The following WDR55 variants were observed in gnomAD, a reference collection of about 807,000 sequenced individuals.
The protein encoded by WDR55 is WD repeat domain 55, also known as WD repeat-containing protein 55.
A neutral mutation model predicts 34.0 loss-of-function variants in WDR55; 31 were observed. That is an observed-to-expected ratio of 0.91 (90% confidence interval 0.69 to 1.23). The LOEUF is 1.23. WDR55 is among the 50% of genes most tolerant of loss of function. WDR55 has a pLI of 0.00. For missense variants in WDR55, 440 were observed against 494.6 expected (o/e 0.89, Z 1.05); for synonymous variants, 164 against 185.9 (o/e 0.88, Z 0.96).
chr5:140,669,124 CTCT>C lies in WDR55; in HGVS notation c.709_711del (p.Phe237del), dbSNP rs1438870230. 4 of 1,613,994 alleles carry C rather than the reference CTCT, an allele frequency of 2.5e-6. No individual in the cohort carries two copies. The highest frequency in any genetic ancestry group is 3.4e-6 in the Non-Finnish European group (4 of 1,180,028). Reference sequence around the variant, plus strand: ...TGGCTCCAGTGAAGGTACCATCTACCTCTTCAATTGGAATGGCTTTGGGGCCAC... The same window carrying C: ...TGGCTCCAGTGAAGGTACCATCTACCTCAATTGGAATGGCTTTGGGGCCAC... On this transcript the variant is annotated inframe_deletion, in exon 6 of 7. Coordinates refer to ENST00000358337, the MANE Select transcript of WDR55 (RefSeq NM_017706.5).
rs993340006 is a variant in WDR55, at chr5:140,669,782, C to T, written c.*128C>T. On this transcript the variant is annotated 3_prime_UTR_variant, in exon 7 of 7. Transcript: ENST00000358337. ...TTTTGCCATCGTCCAGGCTGGAGTG[C>T]GCTGGCTTGATCTTGGCTCACTGCA... The T allele has an allele frequency of 3.3e-5, 32 of 977,426 alleles. No individual in the cohort carries two copies. The highest frequency in any genetic ancestry group is 3.0e-4 in the African/African-American group (18 of 60,686). The allele number at this position is 977,426 out of a possible 1,614,324, so 60.5% of individuals were successfully genotyped here.
chr5:140,668,069 A>C (rs956127736), intron 1 of WDR55, 165 bp from the exon 2 acceptor site: 3 of 706,748 alleles, frequency 4.2e-6, no homozygotes, highest in Non-Finnish European at 6.7e-6. Flanking sequence ...TAACATTTCA[A>C]ACTCACTGAA....
rs1355872090 is a variant in WDR55, at chr5:140,669,811, T to C, written c.*157T>C. The C allele has an allele frequency of 4.2e-6, 3 of 717,056 alleles. No homozygotes were observed. Among genetic ancestry groups the C allele is most frequent in the Non-Finnish European group, 6.9e-6 (3 of 436,258 alleles). The allele number at this position is 717,056 out of a possible 1,614,324, so 44.4% of individuals were successfully genotyped here. A position where few individuals can be genotyped will look rare whatever the true frequency, so the allele number is the denominator to read the frequency against. On this transcript the variant is annotated 3_prime_UTR_variant, in exon 7 of 7. Coordinates refer to ENST00000358337, the MANE Select transcript of WDR55 (RefSeq NM_017706.5). ...GGCTTGATCTTGGCTCACTGCAGCCTCAATGTCCCCAGGCTCAGATTGTCC... is the reference window on the plus strand; with the variant it reads ...GGCTTGATCTTGGCTCACTGCAGCCCCAATGTCCCCAGGCTCAGATTGTCC...
rs758673575 is a variant in WDR55 at position 140,669,513 on chromosome 5, G to A, written c.1011G>A (p.Arg337=). ...CTGTGGTGGTGGATGACTACCGTCGGCGCAAAAAAAAGGGAGGACCACTGC... is the reference window on the plus strand; with the variant it reads ...CTGTGGTGGTGGATGACTACCGTCGACGCAAAAAAAAGGGAGGACCACTGC... ...LRAVVVDDYR[R]RKKKGGPLRA... is the part of the protein sequence containing the mutation. Residue 337 remains arginine (R), a synonymous_variant, in exon 7 of 7, where the codon CGG becomes CGA. Coordinates refer to ENST00000358337, the MANE Select transcript of WDR55 (RefSeq NM_017706.5). 2.2e-5 allele frequency: 35 copies of A among 1,613,830 alleles called. No individual in the cohort carries two copies. The highest frequency in any genetic ancestry group is 5.9e-6 in the Non-Finnish European group (7 of 1,179,964).
intron 1 of WDR55, 90 bp from the exon 2 acceptor site, chr5:140,668,144 G>T: frequency 7.0e-7 from 1 of 1,419,510 alleles, no homozygotes. Flanking sequence ...TCTTAGGTAG[G>T]TGGGAAGGCT....
In WDR55 at chr5:140,672,101, G is replaced by GA. The variant is rs2149815534; in HGVS notation, c.*2450dup. On this transcript the variant is annotated 3_prime_UTR_variant, in exon 7 of 7. Coordinates refer to ENST00000358337, the MANE Select transcript of WDR55 (RefSeq NM_017706.5). Reference sequence around the variant, plus strand: ...TACTTAATTCTCATAACAGTCTGAGGAAACAGATTCTATAGTAGTAAAAAG... The same window carrying GA: ...TACTTAATTCTCATAACAGTCTGAGGAAAACAGATTCTATAGTAGTAAAAAG... 1.8e-6 allele frequency: 1 copy of GA among 543,972 alleles called. No individual in the cohort carries two copies. Among genetic ancestry groups the GA allele is most frequent in the Non-Finnish European group, 3.3e-6 (1 of 302,952 alleles). The allele number at this position is 543,972 out of a possible 1,614,324, so 33.7% of individuals were successfully genotyped here.
At position 140,671,591 on chromosome 5, in the gene WDR55, G is replaced by A. The variant is rs1373174150; in HGVS notation, c.*1937G>A. On this transcript the variant is annotated 3_prime_UTR_variant, in exon 7 of 7. Transcript: ENST00000358337. ...GCACAGCAACTGCAGGGTAGCCCGA[G>A]CCCCTTGGAACCCTAACTTGTCCCT... The A allele has an allele frequency of 6.4e-7, 1 of 1,569,848 alleles. No individual in the cohort carries two copies. The highest frequency in any genetic ancestry group is 8.6e-7 in the Non-Finnish European group (1 of 1,158,396).
Position 140,665,195 on chromosome 5 carries a change from C to A in WDR55, c.191+92C>A, listed in dbSNP as rs1051389620. On this transcript the variant is annotated intron_variant, in intron 1 of 6. Coordinates refer to ENST00000358337, the MANE Select transcript of WDR55 (RefSeq NM_017706.5). ...GAGATGAGAGAAAGTTGCAGGGAGA[C>A]AAATTTTGCAAGATTCTTTGGGTCC... The A allele has an allele frequency of 6.5e-6, 8 of 1,222,310 alleles. No individual in the cohort carries two copies. In the Admixed American group the frequency reaches 1.7e-4, roughly 26 times the overall value. 75.7% of individuals were successfully genotyped at this position (1,222,310 alleles called of 1,614,324 possible).
Position 140,672,271 on chromosome 5 carries a change from G to A in WDR55, c.*2617G>A. The A allele has an allele frequency of 1.4e-6, 1 of 692,154 alleles. No individual in the cohort carries two copies. The highest frequency in any genetic ancestry group is 1.9e-5 in the South Asian group (1 of 53,288). The allele number at this position is 692,154 out of a possible 1,614,324, so 42.9% of individuals were successfully genotyped here. On this transcript the variant is annotated 3_prime_UTR_variant, in exon 7 of 7. Coordinates refer to ENST00000358337, the MANE Select transcript of WDR55 (RefSeq NM_017706.5). ...TGCTCGGGAAGTGTCACAAATTTAG[G>A]TAAGCGGTGGTGGTAGCACCATTGG...
At chr5:140,666,472 C>G (rs1757928296) in intron 1 of WDR55, 1 of 239,700 alleles carries the variant, frequency 4.2e-6, no homozygotes, top group South Asian at 1.6e-4. Flanking sequence ...TCACTTTTAC[C>G]TACTATCTCT....
chr5:140,668,140 G>A (rs1757966428), intron 1 of WDR55, 94 bp from the exon 2 acceptor site: 2 of 1,394,662 alleles, frequency 1.4e-6, no homozygotes, highest in East Asian at 2.4e-5. Flanking sequence ...GAACTCTTAG[G>A]TAGGTGGGAA....
In WDR55 at chr5:140,671,687, C is replaced by T. The variant is rs146619681; in HGVS notation, c.*2033C>T. ...GGGACCCACAAGCTGCTGGCGAAGT[C>T]GCTGCTTCAGGTCTGGCTTGAGCCA... On this transcript the variant is annotated 3_prime_UTR_variant, in exon 7 of 7. Coordinates refer to ENST00000358337, the MANE Select transcript of WDR55 (RefSeq NM_017706.5). 9.1e-5 allele frequency: 145 copies of T among 1,585,060 alleles called. No individual in the cohort carries two copies. The highest frequency in any genetic ancestry group is 1.1e-4 in the Non-Finnish European group (128 of 1,165,560).
At position 140,672,342 on chromosome 5, in the gene WDR55, G is replaced by A; in HGVS notation, c.*2688G>A. On this transcript the variant is annotated 3_prime_UTR_variant, in exon 7 of 7. Transcript: ENST00000358337. ...CAAATAGTAAAAGGTTGCAAATTCT[G>A]GCATGTTTGACTCTAAGATCTTGTA... is the stretch of plus-strand genomic sequence containing the variant. The A allele has an allele frequency of 1.6e-6, 2 of 1,267,152 alleles. No homozygotes were observed. The highest frequency in any genetic ancestry group is 1.3e-5 in the South Asian group (1 of 76,100). The allele number at this position is 1,267,152 out of a possible 1,614,324, so 78.5% of individuals were successfully genotyped here.
chr5:140,668,079 A>T (rs1757964613), intron 1 of WDR55, 155 bp from the exon 2 acceptor site: 8 of 752,758 alleles, frequency 1.1e-5, no homozygotes, highest in Non-Finnish European at 1.6e-5. Context: ...AACTCACTGA[A>T]AATGGAGAAA....
chr5:140,669,018 GGT>G, intron 5 of WDR55, 28 bp downstream of exon 5: 3 of 1,614,132 alleles, frequency 1.9e-6, no homozygotes, highest in Non-Finnish European at 2.5e-6. Flanking sequence ...GGGATGGAGG[GGT>G]GTGTGCTGGG....
In WDR55 at chr5:140,668,783, G is replaced by C. The variant is rs1336043360; in HGVS notation, c.552G>C (p.Leu184=). Residue 184 remains leucine, a synonymous_variant, in exon 4 of 7, where the codon CTG becomes CTC. Coordinates refer to ENST00000358337, the MANE Select transcript of WDR55 (RefSeq NM_017706.5). The part of the protein sequence containing the change: ...MALDPAKKLL[L]TASGDGCLGI... ...TGGATCCAGCCAAAAAGCTGCTGCTGACAGCCAGGTACAACTTCAAAGCTG... is the reference window on the plus strand; with the variant it reads ...TGGATCCAGCCAAAAAGCTGCTGCTCACAGCCAGGTACAACTTCAAAGCTG... 6.2e-7 allele frequency: 1 copy of C among 1,613,708 alleles called. No homozygotes were observed. The highest frequency in any genetic ancestry group is 8.5e-7 in the Non-Finnish European group (1 of 1,179,796).
At position 140,669,404 on chromosome 5, in the gene WDR55, T is replaced by G; in HGVS notation, c.902T>G (p.Leu301Arg). 6.2e-7 allele frequency: 1 copy of G among 1,614,128 alleles called. No individual in the cohort carries two copies. Among genetic ancestry groups the G allele is most frequent in the East Asian group, 2.2e-5 (1 of 44,884 alleles). The stretch of plus-strand genomic sequence containing the variant: ...CACACTGGGGAGCCTGTGGAGGAGC[T>G]GGCCCTCTCCCACTGTGGCCGCTTC... ...GQHTGEPVEE[L>R]ALSHCGRFLA... The change falls in exon 7 of 7, where the codon CTG (leucine) becomes CGG (arginine). Residue 301 changes from leucine (L) to arginine (R), a missense_variant. Coordinates refer to ENST00000358337, the MANE Select transcript of WDR55 (RefSeq NM_017706.5).
chr5:140,668,205 G>A, intron 1 of WDR55, 29 bp from the exon 2 acceptor site: 1 of 1,565,012 alleles, frequency 6.4e-7, no homozygotes, highest in Non-Finnish European at 8.7e-7. Flanking sequence ...TGGGTCTGGA[G>A]TCATTTACCC....
At chr5:140,667,671 A>T (rs1443774615) in intron 1 of WDR55, 1 of 152,372 alleles carries the variant, frequency 6.6e-6, no homozygotes, top group East Asian at 1.9e-4. Context: ...CTTTTTGAGG[A>T]TCTGCTCTGA....
Sources: allele counts gnomAD v4.1 joint callset, GRCh38; gene constraint gnomAD v4.1.1; transcripts MANE v1.5; gene names NCBI Gene and HGNC (gene_info 2026-07-23, HGNC 2026-07-21).